The following TLR6 variants were observed in gnomAD, a reference collection of about 807,000 sequenced individuals.
The protein encoded by TLR6 is toll like receptor 6, also known as toll-like receptor 6.
TLR6 carries 9 observed loss-of-function variants against 16.1 expected under a neutral mutation model. That is an observed-to-expected ratio of 0.56 (90% CI 0.34 to 0.98). The LOEUF is 0.98. Ranked by LOEUF, TLR6 falls within the 50% of genes least tolerant of loss-of-function variation. The probability of loss-of-function intolerance (pLI) is 0.02; values close to 1 mark genes in which losing one functional copy is unlikely to be tolerated. For synonymous variants in TLR6, 340 were observed against 338.6 expected, an observed-to-expected ratio of 1.00 and a Z score of -0.04; for missense variants, 786 against 921.0, an observed-to-expected ratio of 0.85 and a Z score of 1.90.
At chr4:38,829,227 G>C (rs372391986) in exon 2 of TLR6, 2 of 1,614,154 alleles carry the variant, frequency 1.2e-6, no homozygotes, top group Non-Finnish European at 1.7e-6. Context: ...TTATGGGAAA[G>C]TCTCAAAACT....
exon 2 of TLR6, chr4:38,828,470 A>C (rs1727662096): frequency 6.2e-7 from 1 of 1,614,062 alleles, no homozygotes; most frequent in African/African-American, 1.3e-5. Flanking sequence ...AATGGTTAAC[A>C]TCATAATGTT....
upstream of TLR6, among the ~76,000 whole-genome samples, chr4:38,859,371 A>G (rs1327043604): frequency 6.6e-6 from 1 of 152,200 alleles, no homozygotes; most frequent in Non-Finnish European, 1.5e-5. Flanking sequence ...TCTAGCCTCC[A>G]GAACTCTGAG....
At chr4:38,857,049 T>A (rs1329418501), upstream of TLR6, among the ~76,000 whole-genome samples, 2 of 152,242 alleles carry the variant, frequency 1.3e-5, no homozygotes, top group Non-Finnish European at 2.9e-5. Flanking sequence ...GAAAAATATT[T>A]TTCTAAGGTA....
chr4:38,836,595 A>C (rs114397927), intron 1 of TLR6, among the ~76,000 whole-genome samples: 1,669 of 152,282 alleles, frequency 0.011, 25 homozygotes, highest in African/African-American at 0.037. Flanking sequence ...ATTAAAGATG[A>C]AGGTATTCCT....
chr4:38,827,744 A>G (rs1727616637), exon 2 of TLR6: 1 of 1,614,112 alleles, frequency 6.2e-7, no homozygotes, highest in African/African-American at 1.3e-5. Context: ...TAATTCAGAC[A>G]TGTGAAAGTC....
intron 1 of TLR6, among the ~76,000 whole-genome samples, chr4:38,840,170 A>G (rs1384820119): frequency 1.3e-5 from 2 of 152,250 alleles, no homozygotes; most frequent in Non-Finnish European, 2.9e-5. Flanking sequence ...GATTGGCCAC[A>G]TAATGTGGCA....
chr4:38,853,307 C>A, intron 1 of TLR6, among the ~76,000 whole-genome samples: 1 of 150,760 alleles, frequency 6.6e-6, no homozygotes. Flanking sequence ...TGCAGCACAC[C>A]AACATGGCAC....
At chr4:38,824,606 A>T (rs188620339) in exon 2 of TLR6, 1 of 152,050 alleles carries the variant, frequency 6.6e-6, no homozygotes, top group Non-Finnish European at 1.5e-5. Context: ...TATTGTTTTT[A>T]GATTAGGCAA....
At chr4:38,857,989 C>G (rs1267359365), upstream of TLR6, among the ~76,000 whole-genome samples, 2 of 152,208 alleles carry the variant, frequency 1.3e-5, no homozygotes, top group Non-Finnish European at 2.9e-5. Flanking sequence ...CTTAAGAAAA[C>G]AGACAACTAT....
intron 1 of TLR6, among the ~76,000 whole-genome samples, chr4:38,831,095 C>T (rs534663704): frequency 3.3e-5 from 5 of 150,974 alleles, no homozygotes; most frequent in Non-Finnish European, 7.4e-5. Flanking sequence ...TTGAGACTTG[C>T]TACAAAGCTA....
chr4:38,841,907 T>C (rs73811209), intron 1 of TLR6, among the ~76,000 whole-genome samples: 4,857 of 152,340 alleles, frequency 0.032, 228 homozygotes, highest in African/African-American at 0.09. Context: ...TGTAAAGTGA[T>C]TTATAAAATA....
At chr4:38,846,427 G>C (rs1712533904) in intron 1 of TLR6, among the ~76,000 whole-genome samples, 1 of 152,110 alleles carries the variant, frequency 6.6e-6, no homozygotes, top group African/African-American at 2.4e-5. Flanking sequence ...AAATTCACTG[G>C]ATGACTTGAG....
exon 2 of TLR6, chr4:38,827,390 C>A: frequency 6.2e-7 from 1 of 1,614,182 alleles, no homozygotes; most frequent in South Asian, 1.1e-5. Context: ...GGACTTGTAA[C>A]TCTTCTCAAT....
At chr4:38,823,038 C>T (rs915357561), downstream of TLR6, among the ~76,000 whole-genome samples, 2 of 152,132 alleles carry the variant, frequency 1.3e-5, no homozygotes, top group Non-Finnish European at 2.9e-5. Context: ...GAAACTCCCC[C>T]TTAAAGAACC....
upstream of TLR6, among the ~76,000 whole-genome samples, chr4:38,859,535 C>A (rs1713150852): frequency 6.8e-6 from 1 of 148,146 alleles, no homozygotes; most frequent in Admixed American, 6.7e-5. Context: ...CACCTTTGAG[C>A]AGAAGAACTA....
chr4:38,834,730 G>A (rs1008574938), intron 1 of TLR6, among the ~76,000 whole-genome samples: 24 of 152,214 alleles, frequency 1.6e-4, no homozygotes, highest in Non-Finnish European at 2.8e-4. Context: ...GGAGAGAATG[G>A]GATAATATAC....
chr4:38,826,853 A>G, exon 2 of TLR6: 3 of 399,272 alleles, frequency 7.5e-6, no homozygotes, highest in Non-Finnish European at 8.9e-6. Flanking sequence ...CTCAAAAGAG[A>G]CTGTTTCAAT....
At chr4:38,850,343 T>C (rs1250647162) in intron 1 of TLR6, among the ~76,000 whole-genome samples, 1 of 151,954 alleles carries the variant, frequency 6.6e-6, no homozygotes, top group Non-Finnish European at 1.5e-5. Flanking sequence ...AGCAAACATA[T>C]TGAAAAGCTA....
the TLR6 span, among the ~76,000 whole-genome samples, chr4:38,866,949 A>C: frequency 6.6e-6 from 1 of 152,238 alleles, no homozygotes; most frequent in Admixed American, 6.5e-5. Flanking sequence ...AGAAAGAATC[A>C]CTATTTTTAA....
Sources: allele counts gnomAD v4.1 joint callset (sites outside exome capture counted in the v4.1 genomes callset), GRCh38; gene constraint gnomAD v4.1.1; transcripts MANE v1.5; gene names NCBI Gene and HGNC (gene_info 2026-07-23, HGNC 2026-07-21).